APCDD1: variants seen among roughly 807,000 people sequenced by gnomAD.
The protein encoded by APCDD1 is APC down-regulated 1.
Under a neutral mutation model 38.1 loss-of-function variants are expected in APCDD1, and 15 were observed. That is an observed-to-expected ratio of 0.39 (90% CI 0.26 to 0.61). APCDD1 has a LOEUF of 0.61. Among genes scored for constraint, APCDD1 ranks in the 20% least tolerant of loss-of-function variants. APCDD1 has a pLI of 0.49. For synonymous variants in APCDD1, 261 were observed against 279.7 expected (o/e 0.93, Z 0.67); for missense variants, 647 against 696.2 (o/e 0.93, Z 0.79).
intron 4 of APCDD1, among the ~76,000 whole-genome samples, chr18:10,486,532 C>A (rs2031253043): frequency 6.6e-6 from 1 of 152,076 alleles, no homozygotes; most frequent in Middle Eastern, 3.2e-3. Context: ...CCTTTCCAAC[C>A]CTGAGCTTGT....
intron 1 of APCDD1, among the ~76,000 whole-genome samples, chr18:10,464,911 ACTGTT>A (rs931817179): frequency 5.9e-5 from 9 of 151,970 alleles, no homozygotes; most frequent in Non-Finnish European, 1.3e-4. Flanking sequence ...CATGATTTTA[ACTGTT>A]CTGTTAGTTA....
intron 3 of APCDD1, chr18:10,477,570 G>A (rs1280558498): frequency 6.6e-6 from 1 of 152,220 alleles, no homozygotes. Flanking sequence ...TAGGGGACCA[G>A]GAAATATTTG....
rs2030315114 is a variant in APCDD1 at position 10,454,648 on chromosome 18, A to G, written c.-334A>G. 9.6e-7 allele frequency: 1 copy of G among 1,042,520 alleles called. No homozygotes were observed. The highest frequency in any genetic ancestry group is 3.1e-5 in the South Asian group (1 of 32,136). 64.6% of individuals were successfully genotyped at this position (1,042,520 alleles called of 1,614,324 possible). A position where few individuals can be genotyped will look rare whatever the true frequency, so the allele number is the denominator to read the frequency against. ...CGCTGGAAATATGAAGAGACGCTGC[A>G]GCTGCGGTGGCGGTGGCGGCCACTG... On this transcript the variant is annotated 5_prime_UTR_variant, in exon 1 of 5. Transcript: ENST00000355285.
At chr18:10,479,188 G>A (rs143187687) in intron 3 of APCDD1, among the ~76,000 whole-genome samples, 6 of 152,300 alleles carry the variant, frequency 3.9e-5, no homozygotes, top group Admixed American at 2.0e-4. Context: ...AGTTTTCAAC[G>A]TGGGCCATTG....
chr18:10,454,826 C>G lies in APCDD1; in HGVS notation c.-156C>G. 1 of 995,146 alleles carries G rather than the reference C, an allele frequency of 1.0e-6. No homozygotes were observed. Among genetic ancestry groups the G allele is most frequent in the Non-Finnish European group, 1.2e-6 (1 of 837,902 alleles). 61.6% of individuals were successfully genotyped at this position (995,146 alleles called of 1,614,324 possible). On this transcript the variant is annotated 5_prime_UTR_variant, in exon 1 of 5. Coordinates refer to ENST00000355285, the MANE Select transcript of APCDD1 (RefSeq NM_153000.5). ...AGAGAGCGCGCGCCCCGCAGCCCCG[C>G]GCCTAGCCCGCCGGGCATGGGGCGC...
In APCDD1 at chr18:10,454,731, G is replaced by A; in HGVS notation, c.-251G>A. ...GGGACGCGGGGCCGGGCGCGGAGAAGTCGGGGCGGGCGGCAGAGAGGCCGG... is the reference window on the plus strand; with the variant it reads ...GGGACGCGGGGCCGGGCGCGGAGAAATCGGGGCGGGCGGCAGAGAGGCCGG... On this transcript the variant is annotated 5_prime_UTR_variant, in exon 1 of 5. Coordinates refer to ENST00000355285, the MANE Select transcript of APCDD1 (RefSeq NM_153000.5). 2 of 982,122 alleles carry A rather than the reference G, an allele frequency of 2.0e-6. No individual in the cohort carries two copies. The highest frequency in any genetic ancestry group is 2.4e-6 in the Non-Finnish European group (2 of 828,952). 60.8% of individuals were successfully genotyped at this position (982,122 alleles called of 1,614,324 possible).
chr18:10,460,345 G>A (rs992806301), intron 1 of APCDD1, among the ~76,000 whole-genome samples: 3 of 152,132 alleles, frequency 2.0e-5, no homozygotes, highest in Admixed American at 2.0e-4. Flanking sequence ...GGCCAACGCG[G>A]CGAAACCCCG....
At position 10,469,389 on chromosome 18, in the gene APCDD1, C is replaced by A. The variant is rs989179020; in HGVS notation, c.242+737C>A. On this transcript the variant is annotated intron_variant, in intron 2 of 4. Coordinates refer to ENST00000355285, the MANE Select transcript of APCDD1 (RefSeq NM_153000.5). This position sits in a 1 kb window ranked among gnomAD's most constrained non-coding sequence, Gnocchi z 5.5. ...AAGAAATTGTATAAGATGATGAAGA[C>A]CCAGAATTTTATTTCATAAAAATGA... Among the ~76,000 whole-genome samples the A allele has an allele frequency of 1.3e-5, 2 of 152,100 alleles. No individual in the cohort carries two copies. Among genetic ancestry groups the A allele is most frequent in the South Asian group, 2.1e-4 (1 of 4,822 alleles).
rs537305657 is a variant in APCDD1 at position 10,485,591 on chromosome 18, G to C, written c.904G>C (p.Val302Leu). Residue 302 changes from valine (V) to leucine (L), a missense_variant, in exon 4 of 5, where the codon GTG becomes CTG. By Grantham distance (32) the Val-to-Leu change is conservative. Coordinates refer to ENST00000355285, the MANE Select transcript of APCDD1 (RefSeq NM_153000.5). The surrounding 1 kb of genome is among the most constrained non-coding windows in gnomAD (Gnocchi z 5.8). The stretch of plus-strand genomic sequence containing the variant: ...GGAGTGGGTGAGCCAGCGCTGTGAG[G>C]TGCGCCCCGAAGTCCTCTTCCTCAC... ...HGEWVSQRCEVRPEVLFLTRH... is the reference protein window; with the variant it reads ...HGEWVSQRCELRPEVLFLTRH... 1 of 1,613,962 alleles carries C rather than the reference G, an allele frequency of 6.2e-7. No homozygotes were observed. The highest frequency in any genetic ancestry group is 1.7e-5 in the Admixed American group (1 of 60,024).
rs1328406350 is a variant in APCDD1, at chr18:10,464,671, T to G, written c.59-3798T>G. ...CCTAGCTTCAAGCTGTCCTTCCACC[T>G]CAGCCTCCCAGGGTGTTGGGATTAC... On this transcript the variant is annotated intron_variant, in intron 1 of 4. Coordinates refer to ENST00000355285, the MANE Select transcript of APCDD1 (RefSeq NM_153000.5). Among the ~76,000 whole-genome samples, 10 of 152,208 alleles carry G rather than the reference T, an allele frequency of 6.6e-5. 1 individual carries two copies. The highest frequency in any genetic ancestry group is 6.5e-4 in the Admixed American group (10 of 15,292).
At chr18:10,478,753 A>G (rs1313704967) in intron 3 of APCDD1, among the ~76,000 whole-genome samples, 3 of 152,156 alleles carry the variant, frequency 2.0e-5, no homozygotes, top group African/African-American at 7.2e-5. Flanking sequence ...GATAGACAGC[A>G]AGCCTGCCTG....
In APCDD1 at chr18:10,485,367, C is replaced by G; in HGVS notation, c.775-95C>G. 1 of 1,375,266 alleles carries G rather than the reference C, an allele frequency of 7.3e-7. No homozygotes were observed. Among genetic ancestry groups the G allele is most frequent in the Non-Finnish European group, 1.0e-6 (1 of 974,442 alleles). The allele number at this position is 1,375,266 out of a possible 1,614,324, so 85.2% of individuals were successfully genotyped here. A position where few individuals can be genotyped will look rare whatever the true frequency, so the allele number is the denominator to read the frequency against. On this transcript the variant is annotated intron_variant, in intron 3 of 4. Coordinates refer to ENST00000355285, the MANE Select transcript of APCDD1 (RefSeq NM_153000.5). The surrounding 1 kb of genome is among the most constrained non-coding windows in gnomAD (Gnocchi z 5.8). ...TGTCGAGGTTGTCAGTGATGGTGAT[C>G]TGGTGCCTGGTGAGACCCCATTTGC...
At chr18:10,458,898 G>A (rs944654088) in intron 1 of APCDD1, among the ~76,000 whole-genome samples, 28 of 152,196 alleles carry the variant, frequency 1.8e-4, no homozygotes, top group Admixed American at 1.4e-3. Context: ...CATCCTGGAC[G>A]TATGAGTTCT....
chr18:10,457,050 C>T (rs2030400410), intron 1 of APCDD1, among the ~76,000 whole-genome samples: 2 of 152,040 alleles, frequency 1.3e-5, no homozygotes, highest in Non-Finnish European at 2.9e-5. Flanking sequence ...ATGGATAAAC[C>T]GATAAAAAGT....
At chr18:10,473,758 C>T (rs1348936674) in intron 3 of APCDD1, among the ~76,000 whole-genome samples, 5 of 152,050 alleles carry the variant, frequency 3.3e-5, no homozygotes, top group South Asian at 2.1e-4. Flanking sequence ...ACTTTGGGGC[C>T]TTTCTGGTTG....
intron 2 of APCDD1, among the ~76,000 whole-genome samples, chr18:10,468,887 C>T (rs753350225): frequency 2.6e-5 from 4 of 152,218 alleles, no homozygotes; most frequent in Non-Finnish European, 5.9e-5. Flanking sequence ...GTTAACCACA[C>T]AGTGTGAGTG....
At chr18:10,466,337 G>A (rs1157818398) in intron 1 of APCDD1, among the ~76,000 whole-genome samples, 1 of 152,182 alleles carries the variant, frequency 6.6e-6, no homozygotes, top group Non-Finnish European at 1.5e-5. Flanking sequence ...TCAACACGAG[G>A]GTGAGGCACT....
intron 3 of APCDD1, among the ~76,000 whole-genome samples, chr18:10,481,943 C>T (rs1338249227): frequency 1.3e-5 from 2 of 152,154 alleles, no homozygotes; most frequent in East Asian, 3.9e-4. Context: ...ACTGGGTCCT[C>T]GTCTCGGAGC....
chr18:10,475,100 A>G lies in APCDD1; in HGVS notation c.774+3039A>G, dbSNP rs1359979478. On this transcript the variant is annotated intron_variant, in intron 3 of 4. Transcript: ENST00000355285. This position sits in a 1 kb window ranked among gnomAD's most constrained non-coding sequence, Gnocchi z 4.0. ...TGTGCAGAATCCTGTGGGCATCAGGATAGGGCCTGAATGCAAAGCTCCATC... is the reference window on the plus strand; with the variant it reads ...TGTGCAGAATCCTGTGGGCATCAGGGTAGGGCCTGAATGCAAAGCTCCATC... Among the ~76,000 whole-genome samples, 1 of 152,232 alleles carries G rather than the reference A, an allele frequency of 6.6e-6. No homozygotes were observed. The highest frequency in any genetic ancestry group is 2.4e-5 in the African/African-American group (1 of 41,448).
Sources: gnomAD v4.1 joint callset for allele counts (sites outside exome capture counted in the v4.1 genomes callset) on GRCh38, gnomAD v4.1.1 for gene constraint, Gnocchi (gnomAD v3.1) non-coding constraint, MANE v1.5 for transcripts, NCBI Gene and HGNC (gene_info 2026-07-23, HGNC 2026-07-21) for gene names.